PSMA4: variants seen among roughly 807,000 people sequenced by gnomAD.
The protein encoded by PSMA4 is proteasome 20S subunit alpha 4, also known as proteasome subunit alpha type-4.
In PSMA4, 8 loss-of-function variants were observed where a neutral mutation model predicts 37.2. The observed-to-expected ratio is 0.22, with a 90% CI of 0.13 to 0.39. The LOEUF is 0.39. PSMA4 is among the 10% of genes least tolerant of loss of function. The probability of loss-of-function intolerance (pLI) is 1.00; values close to 1 mark genes in which losing one functional copy is unlikely to be tolerated. For synonymous variants in PSMA4, 93 were observed against 98.8 expected (o/e 0.94, Z 0.35); for missense variants, 169 against 305.1 (o/e 0.55, Z 3.32).
chr15:78,546,706 A>G lies in PSMA4; in HGVS notation c.631+8A>G, dbSNP rs1027522736. The G allele has an allele frequency of 1.1e-5, 18 of 1,592,322 alleles. 1 individual carries two copies. Among genetic ancestry groups the G allele is most frequent in the Non-Finnish European group, 1.5e-5 (18 of 1,174,190 alleles). On this transcript the variant is annotated splice_region_variant and intron_variant, in intron 8 of 8. Transcript: ENST00000044462. ...AACTCTCTGCTGAAAAAGGTAATTCATATCCTCTCCTTTAATTCTTTCGAC... is the reference window on the plus strand; with the variant it reads ...AACTCTCTGCTGAAAAAGGTAATTCGTATCCTCTCCTTTAATTCTTTCGAC...
In PSMA4 at chr15:78,548,978, T is replaced by C. The variant is rs748476844; in HGVS notation, c.*34T>C. ...ATTTTATTACTCATTTGGGGCACCATTTCAGTGTAAAAGCAGTCCTACTCT... is the reference window on the plus strand; with the variant it reads ...ATTTTATTACTCATTTGGGGCACCACTTCAGTGTAAAAGCAGTCCTACTCT... On this transcript the variant is annotated 3_prime_UTR_variant, in exon 9 of 9. Transcript: ENST00000044462. 6.3e-7 allele frequency: 1 copy of C among 1,586,540 alleles called. No homozygotes were observed. Among genetic ancestry groups the C allele is most frequent in the South Asian group, 1.2e-5 (1 of 85,278 alleles).
In PSMA4 at chr15:78,542,790, G is replaced by A. The variant is rs528347118; in HGVS notation, c.209+145G>A. ...TTGCTTGAAACCTCTTTGAGGCCTG[G>A]TACCATGTGTTACTCCTTTTAAGTG... On this transcript the variant is annotated intron_variant, in intron 4 of 8. Coordinates refer to ENST00000044462, the MANE Select transcript of PSMA4 (RefSeq NM_002789.6). 12 of 725,132 alleles carry A rather than the reference G, an allele frequency of 1.7e-5. 1 individual carries two copies. The highest frequency in any genetic ancestry group is 2.7e-5 in the Non-Finnish European group (12 of 451,568). The allele number at this position is 725,132 out of a possible 1,614,324, so 44.9% of individuals were successfully genotyped here. A position where few individuals can be genotyped will look rare whatever the true frequency, so the allele number is the denominator to read the frequency against.
chr15:78,548,668 G>C, intron 8 of PSMA4, 122 bp from the exon 9 acceptor site: 1 of 1,312,036 alleles, frequency 7.6e-7, no homozygotes, highest in South Asian at 1.9e-5. Context: ...ATAAAACATA[G>C]GAGAGTGCTG....
rs34353700 is a variant in PSMA4 at position 78,551,280 on chromosome 15, G to A, written c.*2336G>A. 8 of 152,158 alleles carry A rather than the reference G, an allele frequency of 5.3e-5. No homozygotes were observed. The highest frequency in any genetic ancestry group is 1.7e-4 in the African/African-American group (7 of 41,394). The allele number at this position is 152,158 out of a possible 1,614,324, so 9.4% of individuals were successfully genotyped here. On this transcript the variant is annotated 3_prime_UTR_variant, in exon 9 of 9. Coordinates refer to ENST00000044462, the MANE Select transcript of PSMA4 (RefSeq NM_002789.6). ...TCAAATTCTTTGTACTGGTTCATGAGGTATCCTGTATTCTGGCCTTGTGCT... is the reference window on the plus strand; with the variant it reads ...TCAAATTCTTTGTACTGGTTCATGAAGTATCCTGTATTCTGGCCTTGTGCT...
rs1319074159 is a variant in PSMA4, at chr15:78,541,870, CTTATT to C, written c.-23-31_-23-27del. The C allele has an allele frequency of 2.7e-6, 4 of 1,498,034 alleles. No individual in the cohort carries two copies. In the East Asian group the frequency reaches 6.8e-5, roughly 25 times the overall value. The allele number at this position is 1,498,034 out of a possible 1,614,324, so 92.8% of individuals were successfully genotyped here. On this transcript the variant is annotated intron_variant, in intron 1 of 8. Transcript: ENST00000044462. ...AGCAAATGCTTTTTAATTTGTGAAT[CTTATT>C]TTAATGATGATCTGATTTTCTTTTT...
intron 2 of PSMA4, 48 bp from the exon 3 acceptor site, chr15:78,542,129 G>A (rs1201765540): frequency 1.3e-6 from 2 of 1,566,884 alleles, no homozygotes; most frequent in Non-Finnish European, 8.8e-7. Flanking sequence ...TGCAGGAGTT[G>A]GCCTACTTTC....
chr15:78,548,187 C>T (rs555342887), intron 8 of PSMA4, among the ~76,000 whole-genome samples: 2 of 151,818 alleles, frequency 1.3e-5, no homozygotes, highest in East Asian at 1.9e-4. Context: ...GCCGAGTTTG[C>T]GCCATTGCAC....
chr15:78,542,465 A>G lies in PSMA4; in HGVS notation c.47-18A>G. The G allele has an allele frequency of 1.2e-6, 2 of 1,607,464 alleles. No homozygotes were observed. The highest frequency in any genetic ancestry group is 1.7e-5 in the Admixed American group (1 of 58,604). ...GCACAGAGGAGAGTCTTGGCTTCTC[A>G]CTGCTTTTGTTTTGTAGGTCGCTTA... On this transcript the variant is annotated intron_variant, in intron 3 of 8. Transcript: ENST00000044462.
chr15:78,541,239 C>A (rs141607049), intron 1 of PSMA4: 2,052 of 152,342 alleles, frequency 0.013, 22 homozygotes, highest in Middle Eastern at 0.031. Context: ...AAATGTGGGC[C>A]TTGGACTGAG....
intron 6 of PSMA4, 90 bp from the exon 7 acceptor site, chr15:78,545,544 T>C: frequency 7.2e-6 from 10 of 1,397,824 alleles, no homozygotes; most frequent in South Asian, 1.2e-5. Context: ...GTTCACAGAG[T>C]AGGGTTTAGC....
chr15:78,541,825 T>C (rs2052458296), intron 1 of PSMA4, 80 bp from the exon 2 acceptor site: 2 of 1,211,804 alleles, frequency 1.7e-6, no homozygotes, highest in Non-Finnish European at 1.2e-6. Flanking sequence ...AGGGAGTAAA[T>C]AAAACAGATT....
Position 78,551,253 on chromosome 15 carries a change from A to C in PSMA4, c.*2309A>C, listed in dbSNP as rs2052639273. 1 of 152,204 alleles carries C rather than the reference A, an allele frequency of 6.6e-6. No individual in the cohort carries two copies. Among genetic ancestry groups the C allele is most frequent in the African/African-American group, 2.4e-5 (1 of 41,436 alleles). The allele number at this position is 152,204 out of a possible 1,614,324, so 9.4% of individuals were successfully genotyped here. A position where few individuals can be genotyped will look rare whatever the true frequency, so the allele number is the denominator to read the frequency against. On this transcript the variant is annotated 3_prime_UTR_variant, in exon 9 of 9. Transcript: ENST00000044462. ...ATGGCTTCCCATCTTGCTCAGTAAG[A>C]GTCAAATTCTTTGTACTGGTTCATG... is the stretch of plus-strand genomic sequence containing the variant.
chr15:78,546,818 T>C (rs1406809202), intron 8 of PSMA4, 120 bp downstream of exon 8: 3 of 1,090,022 alleles, frequency 2.8e-6, no homozygotes, highest in Non-Finnish European at 2.6e-6. Flanking sequence ...CAGGCTGGAG[T>C]GCAGTGGCGC....
intron 6 of PSMA4, 53 bp from the exon 7 acceptor site, chr15:78,545,581 A>C: frequency 4.4e-6 from 7 of 1,578,150 alleles, no homozygotes; most frequent in Non-Finnish European, 6.1e-6. Context: ...AAGTAACTGT[A>C]GTGATACTAA....
At position 78,549,028 on chromosome 15, in the gene PSMA4, T is replaced by C; in HGVS notation, c.*84T>C. The C allele has an allele frequency of 6.8e-7, 1 of 1,472,804 alleles. No individual in the cohort carries two copies. The highest frequency in any genetic ancestry group is 9.0e-7 in the Non-Finnish European group (1 of 1,115,322). The allele number at this position is 1,472,804 out of a possible 1,614,324, so 91.2% of individuals were successfully genotyped here. On this transcript the variant is annotated 3_prime_UTR_variant, in exon 9 of 9. Coordinates refer to ENST00000044462, the MANE Select transcript of PSMA4 (RefSeq NM_002789.6). Reference sequence around the variant, plus strand: ...TTCCACACTAGGAAGGCTTTACTTTTTTTAACTGGTGCAGTGGGAAAATAG... The same window carrying C: ...TTCCACACTAGGAAGGCTTTACTTTCTTTAACTGGTGCAGTGGGAAAATAG...
At position 78,549,496 on chromosome 15, in the gene PSMA4, GAGATGAGAACAGTT is replaced by G. The variant is rs2052614200; in HGVS notation, c.*554_*567del. ...GGCCACAGAGGAAAAGTGGAACCAA[GAGATGAGAACAGTT>G]ACGTGTTGGCTGAAGGGAGCTCTGT... On this transcript the variant is annotated 3_prime_UTR_variant, in exon 9 of 9. Coordinates refer to ENST00000044462, the MANE Select transcript of PSMA4 (RefSeq NM_002789.6). 1 of 152,372 alleles carries G rather than the reference GAGATGAGAACAGTT, an allele frequency of 6.6e-6. No individual in the cohort carries two copies. The highest frequency in any genetic ancestry group is 1.5e-5 in the Non-Finnish European group (1 of 68,146). 9.4% of individuals were successfully genotyped at this position (152,372 alleles called of 1,614,324 possible).
intron 7 of PSMA4, 134 bp from the exon 8 acceptor site, chr15:78,546,441 C>G: frequency 1.5e-6 from 1 of 681,576 alleles, no homozygotes; most frequent in Non-Finnish European, 2.3e-6. Context: ...AGAGTGAGCC[C>G]CTGTGTCAAA....
rs754149789 is a variant in PSMA4 at position 78,542,574 on chromosome 15, A to G, written c.138A>G (p.Ala46=). 4.0e-5 allele frequency: 65 copies of G among 1,614,096 alleles called. No homozygotes were observed. The highest frequency in any genetic ancestry group is 5.3e-5 in the Non-Finnish European group (63 of 1,180,054). The change falls in exon 4 of 9, where the codon GCA becomes GCG. Residue 46 remains alanine, a synonymous_variant. Coordinates refer to ENST00000044462, the MANE Select transcript of PSMA4 (RefSeq NM_002789.6). ...TAGCAAATGATGGTGTTTTGCTTGC[A>G]GCAGAGAGACGCAACATCCACAAGC... The part of the protein sequence containing the change: ...GILANDGVLL[A]AERRNIHKLL...
In PSMA4 at chr15:78,549,125, C is replaced by A; in HGVS notation, c.*181C>A. The stretch of plus-strand genomic sequence containing the variant: ...TACTTTATTGTAACGATGATGGTTA[C>A]CCTTCATGGACGTCTTAATCTTCCA... On this transcript the variant is annotated 3_prime_UTR_variant, in exon 9 of 9. Coordinates refer to ENST00000044462, the MANE Select transcript of PSMA4 (RefSeq NM_002789.6). 4.2e-6 allele frequency: 4 copies of A among 957,644 alleles called. No individual in the cohort carries two copies. Among genetic ancestry groups the A allele is most frequent in the Non-Finnish European group, 5.5e-6 (4 of 732,900 alleles). 59.3% of individuals were successfully genotyped at this position (957,644 alleles called of 1,614,324 possible).
Sources: gnomAD v4.1 joint callset for allele counts (sites outside exome capture counted in the v4.1 genomes callset) on GRCh38, gnomAD v4.1.1 for gene constraint, MANE v1.5 for transcripts, NCBI Gene and HGNC (gene_info 2026-07-23, HGNC 2026-07-21) for gene names.